Variants in PPFIA2 observed in about 807,000 individuals in gnomAD.
PPFIA2 encodes PPFI scaffold protein A2, also known as liprin-alpha-2.
PPFIA2 carries 46 observed loss-of-function variants against 175.5 expected under a neutral mutation model. The ratio of observed to expected loss-of-function variants is 0.26; its 90% CI spans 0.21 to 0.34. PPFIA2 has a LOEUF of 0.34. PPFIA2 is among the 10% of genes least tolerant of loss of function. The pLI, the probability that PPFIA2 is intolerant of heterozygous loss-of-function variation, is 1.00. For missense variants in PPFIA2, 1,179 were observed against 1,506.1 expected (o/e 0.78, Z 3.60); for synonymous variants, 568 against 511.4 (o/e 1.11, Z -1.49).
At chr12:81,666,345 A>G (rs1477415930) in intron 4 of PPFIA2, among the ~76,000 whole-genome samples, 1 of 152,234 alleles carries the variant, frequency 6.6e-6, no homozygotes, top group African/African-American at 2.4e-5. Context: ...ACAATAGCAA[A>G]GACTTGGAAC....
At chr12:81,500,316 C>T (rs147107652) in intron 4 of PPFIA2, among the ~76,000 whole-genome samples, 1 of 152,290 alleles carries the variant, frequency 6.6e-6, no homozygotes, top group Non-Finnish European at 1.5e-5. Flanking sequence ...CCTAGTACTA[C>T]ACTACCCCCT....
chr12:81,438,478 AAAAACAAAAC>A (rs971469476), intron 7 of PPFIA2, among the ~76,000 whole-genome samples: 2 of 152,178 alleles, frequency 1.3e-5, no homozygotes, highest in Admixed American at 6.6e-5. Flanking sequence ...TCTCAAAACA[AAAAACAAAAC>A]AAAACAAAAC....
intron 7 of PPFIA2, among the ~76,000 whole-genome samples, chr12:81,425,297 A>G (rs1263397652): frequency 6.6e-6 from 1 of 152,142 alleles, no homozygotes; most frequent in African/African-American, 2.4e-5. Context: ...TTATGCCTCA[A>G]AAACACCAGT....
Position 81,376,286 on chromosome 12 carries a change from C to T in PPFIA2, c.985-344G>A, listed in dbSNP as rs545462628. Among the ~76,000 whole-genome samples, 5 of 152,088 alleles carry T rather than the reference C, an allele frequency of 3.3e-5. No individual in the cohort carries two copies. In the South Asian group the frequency reaches 6.2e-4, roughly 19 times the overall value. On this transcript the variant is annotated intron_variant, in intron 9 of 32. Transcript: ENST00000549396. ...TTAAGTACAATAATGAGTAGAGTTG[C>T]AAATCATAAAATTGTTAAAATGGTG...
chr12:81,389,787 A>T (rs1360219739), intron 8 of PPFIA2, among the ~76,000 whole-genome samples: 1 of 152,110 alleles, frequency 6.6e-6, no homozygotes, highest in Non-Finnish European at 1.5e-5. Flanking sequence ...TATTTTAAGC[A>T]GCTCTACTGG....
At chr12:81,369,347 A>G in intron 11 of PPFIA2, 153 bp from the exon 12 acceptor site, 1 of 1,485,138 alleles carries the variant, frequency 6.7e-7, no homozygotes, top group South Asian at 1.2e-5. Flanking sequence ...GCTGAACAGC[A>G]TTGCTTGAAA....
Position 81,650,626 on chromosome 12 carries a change from A to C in PPFIA2, c.303+26165T>G, listed in dbSNP as rs563268602. Among the ~76,000 whole-genome samples, 7 of 152,316 alleles carry C rather than the reference A, an allele frequency of 4.6e-5. No individual in the cohort carries two copies. In the South Asian group the frequency reaches 1.2e-3, roughly 27 times the overall value. On this transcript the variant is annotated intron_variant, in intron 4 of 32. Transcript: ENST00000549396. ...TAGATTAGTTTAGGGAGGTAAAACT[A>C]GATTGCTGAGGTTGCAGGGTAGGCA...
intron 4 of PPFIA2, among the ~76,000 whole-genome samples, chr12:81,662,244 A>T (rs1439149536): frequency 6.6e-6 from 1 of 152,184 alleles, no homozygotes; most frequent in African/African-American, 2.4e-5. Context: ...ACCCTTCAAA[A>T]AATCAATGAA....
chr12:81,526,646 C>A (rs1431652967), intron 4 of PPFIA2, among the ~76,000 whole-genome samples: 1 of 152,148 alleles, frequency 6.6e-6, no homozygotes, highest in Non-Finnish European at 1.5e-5. Flanking sequence ...GCTGAATGGA[C>A]AACTTTGTTA....
rs76643271 is a variant in PPFIA2 at position 81,364,436 on chromosome 12, T to G, written c.1546-1652A>C. 2.0e-5 allele frequency among the ~76,000 whole-genome samples: 3 copies of G among 151,918 alleles called. No individual in the cohort carries two copies. In the East Asian group the frequency reaches 5.8e-4, roughly 29 times the overall value. ...TCTCACTTTGCCACTGAAACTGGAGTGCAGTTCTGTGATCACAGTTCATTG... is the reference window on the plus strand; with the variant it reads ...TCTCACTTTGCCACTGAAACTGGAGGGCAGTTCTGTGATCACAGTTCATTG... On this transcript the variant is annotated intron_variant, in intron 14 of 32. Coordinates refer to ENST00000549396, the MANE Select transcript of PPFIA2 (RefSeq NM_003625.5).
At chr12:81,288,034 T>G (rs1477581159) in intron 24 of PPFIA2, among the ~76,000 whole-genome samples, 2 of 151,886 alleles carry the variant, frequency 1.3e-5, no homozygotes, top group Non-Finnish European at 2.9e-5. Flanking sequence ...TAATATCATC[T>G]GAGTCTAACA....
intron 3 of PPFIA2, among the ~76,000 whole-genome samples, chr12:81,695,332 A>G (rs1347299855): frequency 1.3e-5 from 2 of 152,104 alleles, no homozygotes; most frequent in Non-Finnish European, 2.9e-5. Context: ...GGATCATAGG[A>G]GCATATCCTT....
At chr12:81,670,105 G>GT (rs2071130309) in intron 4 of PPFIA2, among the ~76,000 whole-genome samples, 2 of 151,900 alleles carry the variant, frequency 1.3e-5, no homozygotes, top group Admixed American at 6.6e-5. Context: ...CAGGAGGTTT[G>GT]TAAGAGTGAT....
intron 3 of PPFIA2, among the ~76,000 whole-genome samples, chr12:81,687,230 A>C (rs998030130): frequency 6.6e-6 from 1 of 152,044 alleles, no homozygotes; most frequent in African/African-American, 2.4e-5. Context: ...ACCTCTGTAC[A>C]TGTGGTTTTC....
At chr12:81,591,409 G>A (rs1001494919) in intron 4 of PPFIA2, among the ~76,000 whole-genome samples, 1 of 152,198 alleles carries the variant, frequency 6.6e-6, no homozygotes, top group African/African-American at 2.4e-5. Flanking sequence ...CAAGCCGGCT[G>A]CAGGAATTTG....
chr12:81,295,186 G>A (rs2046158508), intron 23 of PPFIA2, among the ~76,000 whole-genome samples, 151 bp from the exon 24 acceptor site: 1 of 152,030 alleles, frequency 6.6e-6, no homozygotes, highest in Non-Finnish European at 1.5e-5. Context: ...GGACATAGAT[G>A]CACAAAGAAA....
chr12:81,361,759 C>T lies in PPFIA2; in HGVS notation c.1637+934G>A, dbSNP rs117103726. ...ATCAAAACAAATACAAACCCATCCT[C>T]TGGTGGAGTTAACTTTCTAAAGATG... is the stretch of plus-strand genomic sequence containing the variant. On this transcript the variant is annotated intron_variant, in intron 15 of 32. Transcript: ENST00000549396. Among the ~76,000 whole-genome samples, 67 of 151,612 alleles carry T rather than the reference C, an allele frequency of 4.4e-4. 1 individual carries two copies. Among genetic ancestry groups the T allele is most frequent in the East Asian group, 3.7e-3 (19 of 5,164 alleles).
At chr12:81,692,134 A>AC in intron 3 of PPFIA2, among the ~76,000 whole-genome samples, 1 of 151,452 alleles carries the variant, frequency 6.6e-6, no homozygotes, top group Admixed American at 6.6e-5. Flanking sequence ...ACACACACAC[A>AC]AAACCTGTCT....
chr12:81,463,575 G>A (rs1389309024), intron 4 of PPFIA2, among the ~76,000 whole-genome samples: 3 of 152,206 alleles, frequency 2.0e-5, no homozygotes, highest in Middle Eastern at 3.4e-3. Flanking sequence ...CCCTCAGCAC[G>A]AAGGGAGGGG....
Sources: gnomAD v4.1 joint callset for allele counts (sites outside exome capture counted in the v4.1 genomes callset) on GRCh38, gnomAD v4.1.1 for gene constraint, MANE v1.5 for transcripts, NCBI Gene and HGNC (gene_info 2026-07-23, HGNC 2026-07-21) for gene names.